FCRLA: variants seen among roughly 807,000 people sequenced by gnomAD.
The protein encoded by FCRLA is Fc receptor-like A.
A neutral mutation model predicts 28.4 loss-of-function variants in FCRLA; 26 were observed. The observed-to-expected ratio is 0.91, with a 90% confidence interval of 0.67 to 1.27. The LOEUF (loss-of-function observed/expected upper bound fraction) is 1.27, where lower values mean the gene tolerates loss of function less well. Ranked by LOEUF, FCRLA falls within the 50% of genes most tolerant of loss-of-function variation. The pLI, the probability that FCRLA is intolerant of heterozygous loss-of-function variation, is 0.00. For missense variants in FCRLA, 422 were observed against 433.1 expected, an observed-to-expected ratio of 0.97 and a Z score of 0.23; for synonymous variants, 174 against 168.5, an observed-to-expected ratio of 1.03 and a Z score of -0.25.
intron 4 of FCRLA, 25 bp from the exon 5 acceptor site, chr1:161,713,060 A>G: frequency 6.3e-7 from 1 of 1,596,576 alleles, no homozygotes; most frequent in Non-Finnish European, 8.5e-7. Flanking sequence ...TCACTCTTGT[A>G]TGTGCCTCCT....
chr1:161,712,104 G>T lies in FCRLA; in HGVS notation c.670G>T (p.Glu224Ter), dbSNP rs748970628. The T allele has an allele frequency of 1.9e-6, 3 of 1,614,174 alleles. No homozygotes were observed. The highest frequency in any genetic ancestry group is 2.5e-6 in the Non-Finnish European group (3 of 1,180,024). ...AGTGCAAAGCAGGGGGCTCTCCTCA[G>T]AATTCCAGATCCCCACAGCTTCAGA... ...RIVQSRGLSSEFQIPTASEDH... is the reference protein window; with the variant it reads ...RIVQSRGLSS The change falls in exon 4 of 5, where the codon GAA becomes TAA. Residue 224 changes from glutamate (E) to a stop codon, truncating the protein, a stop_gained. Coordinates refer to ENST00000236938, the MANE Select transcript of FCRLA (RefSeq NM_032738.4). LOFTEE classifies it high-confidence loss of function.
intron 1 of FCRLA, 84 bp from the exon 2 acceptor site, chr1:161,710,676 A>T (rs1219729058): frequency 5.1e-6 from 8 of 1,564,594 alleles, no homozygotes; most frequent in Non-Finnish European, 7.0e-6. Flanking sequence ...AAGGATGATT[A>T]TCCTGGGAGA....
At position 161,710,482 on chromosome 1, in the gene FCRLA, A is replaced by G. The variant is rs903424669; in HGVS notation, c.80-278A>G. 5.2e-6 allele frequency: 8 copies of G among 1,550,616 alleles called. No homozygotes were observed. In the Admixed American group the frequency reaches 1.2e-4, roughly 23 times the overall value. ...CCTGGTTTCCCGTACCAGCAGCTGG[A>G]TGTCATGCCGGTGAGTTTCACCATT... On this transcript the variant is annotated intron_variant, in intron 1 of 4. Coordinates refer to ENST00000236938, the MANE Select transcript of FCRLA (RefSeq NM_032738.4).
At chr1:161,712,803 C>T (rs1017819384) in intron 4 of FCRLA, among the ~76,000 whole-genome samples, 2 of 152,176 alleles carry the variant, frequency 1.3e-5, no homozygotes, top group Non-Finnish European at 2.9e-5. Context: ...AACCAGTTAC[C>T]ACATTCATGC....
Position 161,713,361 on chromosome 1 carries a change from CA to C in FCRLA, c.1064del (p.Lys355ArgfsTer16). 6.2e-7 allele frequency: 1 copy of C among 1,613,932 alleles called. No homozygotes were observed. Among genetic ancestry groups the C allele is most frequent in the South Asian group, 1.1e-5 (1 of 91,052 alleles). Reference sequence around the variant, plus strand: ...TCTGGCCACCGGAAGCCTGGGACCACAAAGGCTACTGCTGAATAGAAGTAAA... The same window carrying C: ...TCTGGCCACCGGAAGCCTGGGACCACAAGGCTACTGCTGAATAGAAGTAAA... The part of the protein sequence containing the change: ...ELSGHRKPGT[T>X]KATAE On this transcript the variant is annotated frameshift_variant, in exon 5 of 5. Transcript: ENST00000236938. LOFTEE classifies it high-confidence loss of function.
In FCRLA at chr1:161,713,417, C is replaced by T; in HGVS notation, c.*37C>T. On this transcript the variant is annotated 3_prime_UTR_variant, in exon 5 of 5. Coordinates refer to ENST00000236938, the MANE Select transcript of FCRLA (RefSeq NM_032738.4). Reference sequence around the variant, plus strand: ...TCATCCATGATCTCACTTAACCACCCCAATAAATCTGATTCTTTATTTTCT... The same window carrying T: ...TCATCCATGATCTCACTTAACCACCTCAATAAATCTGATTCTTTATTTTCT... 1 of 1,507,854 alleles carries T rather than the reference C, an allele frequency of 6.6e-7. No homozygotes were observed. Among genetic ancestry groups the T allele is most frequent in the Non-Finnish European group, 9.0e-7 (1 of 1,105,740 alleles). The allele number at this position is 1,507,854 out of a possible 1,614,324, so 93.4% of individuals were successfully genotyped here.
rs147507735 is a variant in FCRLA, at chr1:161,712,139, C to T, written c.705C>T (p.Ser235=). Residue 235 remains serine, a synonymous_variant, in exon 4 of 5, where the codon TCC becomes TCT. Coordinates refer to ENST00000236938, the MANE Select transcript of FCRLA (RefSeq NM_032738.4). The part of the protein sequence containing the change: ...FQIPTASEDH[S]GSYWCEAATE... The stretch of plus-strand genomic sequence containing the variant: ...TCCCCACAGCTTCAGAAGATCACTC[C>T]GGGTCATACTGGTGTGAGGCAGCCA... 162 of 1,614,180 alleles carry T rather than the reference C, an allele frequency of 1.0e-4. 2 individuals are homozygous for T. In the Middle Eastern group the frequency reaches 1.5e-3, roughly 15 times the overall value.
rs766820537 is a variant in FCRLA, at chr1:161,713,415, C to T, written c.*35C>T. On this transcript the variant is annotated 3_prime_UTR_variant, in exon 5 of 5. Coordinates refer to ENST00000236938, the MANE Select transcript of FCRLA (RefSeq NM_032738.4). ...GTTCATCCATGATCTCACTTAACCA[C>T]CCCAATAAATCTGATTCTTTATTTT... The T allele has an allele frequency of 1.5e-5, 23 of 1,526,554 alleles. No homozygotes were observed. In the African/African-American group the frequency reaches 2.2e-4, roughly 15 times the overall value. The allele number at this position is 1,526,554 out of a possible 1,614,324, so 94.6% of individuals were successfully genotyped here.
At chr1:161,710,208 A>G in intron 1 of FCRLA, 1 of 524,706 alleles carries the variant, frequency 1.9e-6, no homozygotes, top group East Asian at 3.3e-5. Flanking sequence ...ACTCAGACAC[A>G]CCTGCCTTTC....
Position 161,713,095 on chromosome 1 carries a change from C to T in FCRLA, c.795C>T (p.Ser265=), listed in dbSNP as rs1407946897. The T allele has an allele frequency of 6.2e-7, 1 of 1,612,328 alleles. No homozygotes were observed. The highest frequency in any genetic ancestry group is 8.5e-7 in the Non-Finnish European group (1 of 1,179,328). ...QLEIRVQGAS[S]SAAPPTLNPA... ...TGCCCCATAATTCAGGTGCTTCCAG[C>T]TCTGCTGCACCTCCCACATTGAATC... Residue 265 remains serine, a synonymous_variant, in exon 5 of 5, where the codon AGC becomes AGT. Transcript: ENST00000236938.
At chr1:161,711,184 C>G in intron 2 of FCRLA, 24 bp from the exon 3 acceptor site, 1 of 1,596,492 alleles carries the variant, frequency 6.3e-7, no homozygotes, top group Non-Finnish European at 8.5e-7. Flanking sequence ...CTGGGTGACA[C>G]TCAGCTCTTT....
intron 4 of FCRLA, 104 bp from the exon 5 acceptor site, chr1:161,712,981 G>A (rs1683177945): frequency 4.5e-6 from 6 of 1,334,502 alleles, no homozygotes; most frequent in South Asian, 4.3e-5. Context: ...CTGCCATTGG[G>A]CCCCACAGCC....
chr1:161,711,100 G>T, intron 2 of FCRLA, 108 bp from the exon 3 acceptor site: 2 of 1,479,160 alleles, frequency 1.4e-6, no homozygotes, highest in South Asian at 2.6e-5. Context: ...CCAACCAGGG[G>T]TGAGAGTTTA....
intron 2 of FCRLA, 30 bp from the exon 3 acceptor site, chr1:161,711,178 G>A (rs1366296001): frequency 6.3e-7 from 1 of 1,590,504 alleles, no homozygotes; most frequent in Non-Finnish European, 8.6e-7. Flanking sequence ...GAGGCCCTGG[G>A]TGACACTCAG....
intron 1 of FCRLA, among the ~76,000 whole-genome samples, chr1:161,709,551 C>T (rs1682995892): frequency 6.6e-6 from 1 of 152,134 alleles, no homozygotes; most frequent in South Asian, 2.1e-4. Flanking sequence ...GGAAAGAAAA[C>T]ACCTGGTACT....
chr1:161,711,604 C>G, intron 3 of FCRLA, 130 bp downstream of exon 3: 1 of 1,241,146 alleles, frequency 8.1e-7, no homozygotes, highest in Non-Finnish European at 1.1e-6. Flanking sequence ...GGCAAATGCC[C>G]AAGTTGGGCT....
At chr1:161,711,661 C>T (rs894985099) in intron 3 of FCRLA, 187 bp downstream of exon 3, 6 of 776,620 alleles carry the variant, frequency 7.7e-6, no homozygotes, top group Non-Finnish European at 1.2e-5. Context: ...CAGCCCCACT[C>T]AGAGTCCAGC....
chr1:161,712,332 C>G, intron 4 of FCRLA, 114 bp downstream of exon 4: 1 of 1,245,394 alleles, frequency 8.0e-7, no homozygotes, highest in Non-Finnish European at 1.1e-6. Flanking sequence ...TAAGAAGGGA[C>G]ACAGAGGGGG....
rs1683215772 is a variant in FCRLA at position 161,713,515 on chromosome 1, G to T, written c.*135G>T. The T allele has an allele frequency of 2.9e-6, 2 of 690,030 alleles. No homozygotes were observed. Among genetic ancestry groups the T allele is most frequent in the Non-Finnish European group, 4.8e-6 (2 of 414,056 alleles). The allele number at this position is 690,030 out of a possible 1,614,324, so 42.7% of individuals were successfully genotyped here. A position where few individuals can be genotyped will look rare whatever the true frequency, so the allele number is the denominator to read the frequency against. On this transcript the variant is annotated 3_prime_UTR_variant, in exon 5 of 5. Coordinates refer to ENST00000236938, the MANE Select transcript of FCRLA (RefSeq NM_032738.4). ...TGTTTTGTTAGAATAATGTAGTTAG[G>T]TGAGTGTAAATAAATTTATATAAAG...
Sources: allele counts gnomAD v4.1 joint callset (sites outside exome capture counted in the v4.1 genomes callset), GRCh38; gene constraint gnomAD v4.1.1; transcripts MANE v1.5; gene names NCBI Gene and HGNC (gene_info 2026-07-23, HGNC 2026-07-21).